SLC4A4: variants seen among roughly 807,000 people sequenced by gnomAD.
SLC4A4 encodes solute carrier family 4 member 4, also known as electrogenic sodium bicarbonate cotransporter 1.
SLC4A4 carries 27 observed loss-of-function variants against 111.5 expected under a neutral mutation model. The ratio of observed to expected loss-of-function variants is 0.24; its 90% CI spans 0.18 to 0.33. The LOEUF (loss-of-function observed/expected upper bound fraction) is 0.33, where lower values mean the gene tolerates loss of function less well. Among genes scored for constraint, SLC4A4 ranks in the 10% least tolerant of loss-of-function variants. The pLI, the probability that SLC4A4 is intolerant of heterozygous loss-of-function variation, is 1.00. For missense variants in SLC4A4, 909 were observed against 1,315.5 expected (o/e 0.69, Z 4.78); for synonymous variants, 443 against 463.4 (o/e 0.96, Z 0.57).
chr4:71,174,455 C>A (rs1745028708), intron 2 of SLC4A4, among the ~76,000 whole-genome samples: 1 of 152,008 alleles, frequency 6.6e-6, no homozygotes, highest in Admixed American at 6.5e-5. Context: ...AGGATGTTGG[C>A]CAGGCTGGTC....
At chr4:71,442,985 T>C (rs750339269) in intron 8 of SLC4A4, among the ~76,000 whole-genome samples, 60 of 151,310 alleles carry the variant, frequency 4.0e-4, no homozygotes, top group Non-Finnish European at 7.5e-4. Context: ...ACCCTATTCT[T>C]TGATCTTTGG....
At chr4:71,529,472 T>TAGC (rs10644757) in intron 16 of SLC4A4, among the ~76,000 whole-genome samples, 122,292 of 151,614 alleles carry the variant, frequency 0.81, 49,747 homozygotes, top group East Asian at 0.93. Flanking sequence ...GTGGCCAAAT[T>TAGC]AGCAGCCCCA....
intron 2 of SLC4A4, among the ~76,000 whole-genome samples, chr4:71,145,216 TTG>T (rs1469520526): frequency 5.9e-5 from 9 of 152,226 alleles, no homozygotes; most frequent in Non-Finnish European, 8.8e-5. Flanking sequence ...CATGTGGTTT[TTG>T]TCTTTGGTTC....
chr4:71,498,541 T>C (rs961228769), intron 16 of SLC4A4, among the ~76,000 whole-genome samples: 1 of 152,148 alleles, frequency 6.6e-6, no homozygotes, highest in African/African-American at 2.4e-5. Context: ...TGGAAGAATT[T>C]TAAAATATGA....
intron 3 of SLC4A4, among the ~76,000 whole-genome samples, chr4:71,336,020 A>G (rs1728411055): frequency 6.6e-6 from 1 of 152,176 alleles, no homozygotes; most frequent in Non-Finnish European, 1.5e-5. Flanking sequence ...TTCCCTACAT[A>G]CATGTAAACT....
chr4:71,242,359 C>T (rs1434404510), intron 2 of SLC4A4, among the ~76,000 whole-genome samples: 1 of 152,118 alleles, frequency 6.6e-6, no homozygotes, highest in African/African-American at 2.4e-5. Context: ...TTTGGGGAGT[C>T]TCTATTGTTT....
chr4:71,433,316 C>T (rs1723815517), intron 7 of SLC4A4, among the ~76,000 whole-genome samples: 1 of 151,550 alleles, frequency 6.6e-6, no homozygotes, highest in South Asian at 2.1e-4. Context: ...TCTGTGTGTT[C>T]CCATCTAAAG....
intron 2 of SLC4A4, among the ~76,000 whole-genome samples, chr4:71,125,494 A>G (rs903681309): frequency 6.6e-5 from 10 of 152,194 alleles, no homozygotes; most frequent in African/African-American, 9.7e-5. Flanking sequence ...TGGGAAGTGG[A>G]GATTGCAGTG....
At chr4:71,275,907 G>C (rs1723034630) in intron 3 of SLC4A4, among the ~76,000 whole-genome samples, 1 of 152,228 alleles carries the variant, frequency 6.6e-6, no homozygotes, top group Non-Finnish European at 1.5e-5. Context: ...AAATGAAGTT[G>C]AAGCTGGTGA....
chr4:71,224,594 A>G (rs1268406415), intron 1 of SLC4A4, among the ~76,000 whole-genome samples: 1 of 152,248 alleles, frequency 6.6e-6, no homozygotes, highest in Non-Finnish European at 1.5e-5. Flanking sequence ...CAATTACAAT[A>G]GTAACTAAGA....
intron 16 of SLC4A4, among the ~76,000 whole-genome samples, chr4:71,510,605 C>T (rs541497437): frequency 6.6e-6 from 1 of 152,026 alleles, no homozygotes; most frequent in Admixed American, 6.6e-5. Flanking sequence ...TACGTGTGTC[C>T]TCAGAGGTGA....
intron 2 of SLC4A4, among the ~76,000 whole-genome samples, chr4:71,179,942 CT>C (rs200034076): frequency 1.9e-3 from 289 of 152,304 alleles, no homozygotes; most frequent in African/African-American, 5.3e-3. Context: ...CACTACCTGA[CT>C]TCAAACTATA....
intron 1 of SLC4A4, among the ~76,000 whole-genome samples, chr4:71,075,551 T>G (rs1741786821): frequency 6.6e-6 from 1 of 152,192 alleles, no homozygotes; most frequent in Non-Finnish European, 1.5e-5. Flanking sequence ...AACCCACTGT[T>G]GTCCCAGGAA....
At chr4:71,356,304 T>C (rs868228774) in intron 5 of SLC4A4, among the ~76,000 whole-genome samples, 40 of 151,494 alleles carry the variant, frequency 2.6e-4, no homozygotes, top group African/African-American at 9.4e-4. Flanking sequence ...GAAACTTTAC[T>C]TTTTTTTTGG....
At chr4:71,297,061 G>A (rs527744462) in intron 3 of SLC4A4, among the ~76,000 whole-genome samples, 4 of 152,348 alleles carry the variant, frequency 2.6e-5, no homozygotes. Context: ...TTGAGAGCCA[G>A]TAATACCAAG....
At chr4:71,495,706 T>C (rs1183871281) in intron 15 of SLC4A4, among the ~76,000 whole-genome samples, 1 of 152,138 alleles carries the variant, frequency 6.6e-6, no homozygotes, top group African/African-American at 2.4e-5. Context: ...ACATTGATGA[T>C]GTGTTTGGTG....
chr4:71,088,806 A>G (rs923884577), intron 1 of SLC4A4, among the ~76,000 whole-genome samples: 1 of 152,044 alleles, frequency 6.6e-6, no homozygotes, highest in African/African-American at 2.4e-5. Context: ...CTTTGTGGGT[A>G]ACCCGACCTT....
chr4:71,067,925 T>A lies in SLC4A4; in HGVS notation c.-65+5137T>A, dbSNP rs186274273. ...AACACACCTGGCTAATTTTTAAAAATTTTTGTAGAGATAGGATCTTGCTAT... is the reference window on the plus strand; with the variant it reads ...AACACACCTGGCTAATTTTTAAAAAATTTTGTAGAGATAGGATCTTGCTAT... On this transcript the variant is annotated intron_variant, in intron 1 of 26. Coordinates refer to the SLC4A4 transcript ENST00000649996. Among the ~76,000 whole-genome samples the A allele has an allele frequency of 1.5e-3, 231 of 152,096 alleles. 1 individual carries two copies. Among genetic ancestry groups the A allele is most frequent in the Admixed American group, 7.7e-3 (117 of 15,268 alleles).
chr4:71,173,037 A>G (rs1744985955), intron 2 of SLC4A4, among the ~76,000 whole-genome samples: 1 of 152,214 alleles, frequency 6.6e-6, no homozygotes. Flanking sequence ...GAAATTATTA[A>G]TGACTTTCAA....
Sources: gnomAD v4.1 joint callset for allele counts (sites outside exome capture counted in the v4.1 genomes callset) on GRCh38, gnomAD v4.1.1 for gene constraint, MANE v1.5 for transcripts, NCBI Gene and HGNC (gene_info 2026-07-23, HGNC 2026-07-21) for gene names.